PCCA: variants seen among roughly 807,000 people sequenced by gnomAD.
PCCA encodes propionyl-CoA carboxylase alpha chain, mitochondrial.
A neutral mutation model predicts 101.3 loss-of-function variants in PCCA; 74 were observed. The ratio of observed to expected loss-of-function variants is 0.73; its 90% CI spans 0.61 to 0.89. The LOEUF is 0.89. Among genes scored for constraint, PCCA ranks in the 40% least tolerant of loss-of-function variants. The pLI is 0.00. For synonymous variants in PCCA, 294 were observed against 313.6 expected, an observed-to-expected ratio of 0.94 and a Z score of 0.66; for missense variants, 891 against 907.0, an observed-to-expected ratio of 0.98 and a Z score of 0.23.
At chr13:100,226,877 C>T (rs188297734) in intron 7 of PCCA, among the ~76,000 whole-genome samples, 2 of 152,242 alleles carry the variant, frequency 1.3e-5, no homozygotes, top group Admixed American at 1.3e-4. Context: ...CTTAATAACC[C>T]TATGAGATAG....
intron 8 of PCCA, among the ~76,000 whole-genome samples, chr13:100,248,673 C>T (rs2061586625): frequency 6.6e-6 from 1 of 152,060 alleles, no homozygotes; most frequent in South Asian, 2.1e-4. Flanking sequence ...TTTAAGAGCT[C>T]TGTGTATTTT....
chr13:100,302,078 A>G (rs1443501432), intron 13 of PCCA, among the ~76,000 whole-genome samples: 1 of 152,186 alleles, frequency 6.6e-6, no homozygotes, highest in African/African-American at 2.4e-5. Context: ...ATTACATAAA[A>G]ATAACAATCA....
intron 20 of PCCA, among the ~76,000 whole-genome samples, chr13:100,431,079 A>AT (rs370737502): frequency 8.6e-4 from 130 of 151,806 alleles, no homozygotes; most frequent in African/African-American, 2.7e-3. Flanking sequence ...TGCCCTTAAC[A>AT]TTTTTTTTCA....
chr13:100,159,493 A>G (rs7982075), intron 6 of PCCA, among the ~76,000 whole-genome samples: 46,959 of 152,054 alleles, frequency 0.31, 8,197 homozygotes, highest in East Asian at 0.72. Context: ...CATGGGTGCT[A>G]TGAGTCCTGG....
intron 19 of PCCA, among the ~76,000 whole-genome samples, chr13:100,414,800 AATC>A (rs774862602): frequency 5.1e-4 from 78 of 152,212 alleles, no homozygotes; most frequent in Non-Finnish European, 9.8e-4. Flanking sequence ...ATAAGTTAAT[AATC>A]ATACTTTTTG....
intron 21 of PCCA, among the ~76,000 whole-genome samples, chr13:100,474,768 A>G (rs892988635): frequency 3.3e-5 from 5 of 152,014 alleles, no homozygotes; most frequent in Non-Finnish European, 7.4e-5. Flanking sequence ...GGTGTGAGCC[A>G]CTGTGCCTGG....
At chr13:100,279,164 G>A (rs1461771225) in intron 12 of PCCA, among the ~76,000 whole-genome samples, 4 of 152,144 alleles carry the variant, frequency 2.6e-5, no homozygotes, top group Non-Finnish European at 4.4e-5. Flanking sequence ...AGCTCTGATA[G>A]TACCTAATGC....
At chr13:100,389,629 TAAAGA>T (rs139919090) in intron 19 of PCCA, among the ~76,000 whole-genome samples, 210 of 151,906 alleles carry the variant, frequency 1.4e-3, no homozygotes, top group African/African-American at 4.9e-3. Flanking sequence ...AAATAGAAGT[TAAAGA>T]AAAGAAAAAC....
chr13:100,185,658 T>G (rs1228531703), intron 6 of PCCA, among the ~76,000 whole-genome samples: 14 of 151,688 alleles, frequency 9.2e-5, no homozygotes, highest in Admixed American at 9.2e-4. Flanking sequence ...TTTTTTTTTT[T>G]TTTTGTGAGA....
intron 6 of PCCA, among the ~76,000 whole-genome samples, chr13:100,162,108 G>GTC (rs1555363276): frequency 1.2e-4 from 16 of 132,992 alleles, no homozygotes; most frequent in African/African-American, 3.1e-4. Context: ...GTGTGTGTGT[G>GTC]TGTCTGTCTG....
chr13:100,383,601 C>T (rs1360958846), intron 19 of PCCA, among the ~76,000 whole-genome samples: 2 of 151,678 alleles, frequency 1.3e-5, no homozygotes, highest in East Asian at 3.9e-4. Flanking sequence ...GAGTGAAATC[C>T]TGGACCCCGT....
At chr13:100,501,900 T>TAAATAAATAAATAAAA (rs1300510099) in intron 21 of PCCA, among the ~76,000 whole-genome samples, 2 of 146,574 alleles carry the variant, frequency 1.4e-5, no homozygotes, top group Non-Finnish European at 1.5e-5. Context: ...AATAAATAAA[T>TAAATAAATAAATAAAA]AAAATGCACC....
At chr13:100,241,730 G>A (rs2061150806) in intron 8 of PCCA, among the ~76,000 whole-genome samples, 1 of 152,122 alleles carries the variant, frequency 6.6e-6, no homozygotes, top group Non-Finnish European at 1.5e-5. Flanking sequence ...CTCCCAGAGT[G>A]CTGGGATTAT....
At chr13:100,296,690 G>A (rs1225070099) in intron 12 of PCCA, among the ~76,000 whole-genome samples, 3 of 152,018 alleles carry the variant, frequency 2.0e-5, no homozygotes, top group African/African-American at 7.2e-5. Context: ...TGTATTTACT[G>A]GAAGCATTTC....
chr13:100,416,202 T>C (rs1474294653), intron 19 of PCCA, among the ~76,000 whole-genome samples: 1 of 152,092 alleles, frequency 6.6e-6, no homozygotes, highest in Admixed American at 6.5e-5. Flanking sequence ...TTTTTTTTTT[T>C]TTCTGAGACG....
intron 7 of PCCA, among the ~76,000 whole-genome samples, chr13:100,218,009 A>C (rs937291254): frequency 1.3e-5 from 2 of 150,054 alleles, no homozygotes; most frequent in African/African-American, 2.5e-5. Context: ...CTGGGGGAGG[A>C]GGTTGCAGTG....
At chr13:100,169,200 C>T (rs368278275) in intron 6 of PCCA, among the ~76,000 whole-genome samples, 367 of 138,278 alleles carry the variant, frequency 2.7e-3, no homozygotes, top group Non-Finnish European at 4.5e-3. Context: ...CCAGCACTTT[C>T]GGAGGCCGAG....
At chr13:100,396,026 G>T (rs1358748757) in intron 19 of PCCA, among the ~76,000 whole-genome samples, 1 of 152,272 alleles carries the variant, frequency 6.6e-6, no homozygotes, top group Middle Eastern at 3.4e-3. Flanking sequence ...TACCCACAAG[G>T]TTTAGTTTGG....
chr13:100,258,142 A>C (rs997130730), intron 9 of PCCA, among the ~76,000 whole-genome samples: 11 of 152,160 alleles, frequency 7.2e-5, no homozygotes, highest in Non-Finnish European at 1.5e-4. Context: ...TTAGAGTGTG[A>C]AATATATTCT....
Sources: allele counts gnomAD v4.1 joint callset (sites outside exome capture counted in the v4.1 genomes callset), GRCh38; gene constraint gnomAD v4.1.1; transcripts MANE v1.5; gene names NCBI Gene and HGNC (gene_info 2026-07-23, HGNC 2026-07-21).